DOCK3: variants seen among roughly 807,000 people sequenced by gnomAD.
DOCK3 encodes dedicator of cytokinesis protein 3.
Under a neutral mutation model 265.6 loss-of-function variants are expected in DOCK3, and 60 were observed. The ratio of observed to expected loss-of-function variants is 0.23; its 90% CI spans 0.18 to 0.28. The LOEUF (loss-of-function observed/expected upper bound fraction) is 0.28, where lower values mean the gene tolerates loss of function less well. Ranked by LOEUF, DOCK3 falls within the 10% of genes least tolerant of loss-of-function variation. The probability of loss-of-function intolerance (pLI) is 1.00; values close to 1 mark genes in which losing one functional copy is unlikely to be tolerated. For missense variants in DOCK3, 1,981 were observed against 2,594.3 expected (o/e 0.76, Z 5.14); for synonymous variants, 881 against 938.0 (o/e 0.94, Z 1.11).
At chr3:51,194,498 G>T (rs2088148987) in intron 12 of DOCK3, among the ~76,000 whole-genome samples, 1 of 152,134 alleles carries the variant, frequency 6.6e-6, no homozygotes, top group Non-Finnish European at 1.5e-5. Flanking sequence ...GCTGAGAGTG[G>T]AATGTTGAAG....
At chr3:50,980,556 T>A (rs2077652409) in intron 5 of DOCK3, among the ~76,000 whole-genome samples, 1 of 152,208 alleles carries the variant, frequency 6.6e-6, no homozygotes, top group Non-Finnish European at 1.5e-5. Flanking sequence ...TTTATAAGTT[T>A]GATAGAGTTC....
At chr3:50,870,383 T>G (rs2047376708) in intron 3 of DOCK3, among the ~76,000 whole-genome samples, 2 of 152,232 alleles carry the variant, frequency 1.3e-5, no homozygotes, top group Admixed American at 1.3e-4. Flanking sequence ...TCAACTCTTC[T>G]TATAATTTTT....
In DOCK3 at chr3:50,961,928, A is replaced by T. The variant is rs190508208; in HGVS notation, c.315+27851A>T. 9.2e-5 allele frequency among the ~76,000 whole-genome samples: 14 copies of T among 152,346 alleles called. 1 individual carries two copies. Among genetic ancestry groups the T allele is most frequent in the South Asian group, 6.2e-4 (3 of 4,830 alleles). ...TGAGCCTTCTTATGGGGAAAAATTCATGCATAATCTTGTTTAGTTCGTAGT... is the reference window on the plus strand; with the variant it reads ...TGAGCCTTCTTATGGGGAAAAATTCTTGCATAATCTTGTTTAGTTCGTAGT... On this transcript the variant is annotated intron_variant, in intron 5 of 52. Coordinates refer to ENST00000266037, the MANE Select transcript of DOCK3 (RefSeq NM_004947.5).
intron 1 of DOCK3, among the ~76,000 whole-genome samples, chr3:50,746,599 A>G (rs536784471): frequency 3.9e-5 from 6 of 152,186 alleles, no homozygotes; most frequent in East Asian, 1.9e-4. Flanking sequence ...AGGCTGGGTA[A>G]TTTATAAAGA....
intron 5 of DOCK3, among the ~76,000 whole-genome samples, chr3:50,935,057 G>A (rs2051280313): frequency 6.6e-6 from 1 of 152,022 alleles, no homozygotes; most frequent in Admixed American, 6.5e-5. Flanking sequence ...TCTCCTTTCT[G>A]TACCTTCATA....
chr3:51,289,084 G>A (rs1029969125), intron 27 of DOCK3, among the ~76,000 whole-genome samples: 9 of 151,998 alleles, frequency 5.9e-5, no homozygotes, highest in African/African-American at 1.4e-4. Flanking sequence ...AAAAAAGAAC[G>A]TATATACCAT....
At chr3:50,718,662 CTT>C (rs1254362868) in intron 1 of DOCK3, among the ~76,000 whole-genome samples, 2 of 151,228 alleles carry the variant, frequency 1.3e-5, no homozygotes, top group Admixed American at 1.3e-4. Context: ...TTAATCTTCT[CTT>C]GTTTTGAGTT....
chr3:50,702,158 G>A (rs748961762), intron 1 of DOCK3, among the ~76,000 whole-genome samples: 12 of 152,156 alleles, frequency 7.9e-5, no homozygotes, highest in Non-Finnish European at 1.5e-4. Context: ...TCTTTGGGTA[G>A]TATGGTCATT....
chr3:51,348,752 G>A, intron 38 of DOCK3, 100 bp from the exon 39 acceptor site: 1 of 1,201,758 alleles, frequency 8.3e-7, no homozygotes, highest in Non-Finnish European at 1.2e-6. Context: ...AGTTGGAGCT[G>A]GCGGGAGACC....
At chr3:51,128,647 C>T (rs1045120199) in intron 9 of DOCK3, among the ~76,000 whole-genome samples, 14 of 152,194 alleles carry the variant, frequency 9.2e-5, no homozygotes, top group African/African-American at 2.2e-4. Context: ...TGAACCTCTG[C>T]GCTTTCTGTG....
chr3:51,139,766 T>C (rs1035793185), intron 9 of DOCK3, among the ~76,000 whole-genome samples: 1 of 152,218 alleles, frequency 6.6e-6, no homozygotes, highest in African/African-American at 2.4e-5. Context: ...CAAAGTTGGC[T>C]TCTCTAGGAA....
At chr3:51,380,435 AAC>A (rs2088530946) in intron 52 of DOCK3, among the ~76,000 whole-genome samples, 1 of 152,234 alleles carries the variant, frequency 6.6e-6, no homozygotes, top group African/African-American at 2.4e-5. Context: ...TGGAGACAAC[AAC>A]ACACAGTACC....
Position 51,233,344 on chromosome 3 carries a change from ATCTATCTATCTATCTAT to A in DOCK3, c.1918-2999_1918-2983del, listed in dbSNP as rs1328350806. ...TATCTATCTATCTATCTATCTATCT[ATCTATCTATCTATCTAT>A]TTATTTATTTATTTATTTATTTGAG... On this transcript the variant is annotated intron_variant, in intron 19 of 52. Coordinates refer to ENST00000266037, the MANE Select transcript of DOCK3 (RefSeq NM_004947.5). Among the ~76,000 whole-genome samples, 27 of 38,328 alleles carry A rather than the reference ATCTATCTATCTATCTAT, an allele frequency of 7.0e-4. 1 individual carries two copies. In the South Asian group the frequency reaches 0.013, roughly 19 times the overall value. The allele number at this position is 38,328 out of a possible 152,430, so 25.1% of individuals were successfully genotyped here. A position where few individuals can be genotyped will look rare whatever the true frequency, so the allele number is the denominator to read the frequency against.
At chr3:50,975,591 C>T (rs1331814239) in intron 5 of DOCK3, among the ~76,000 whole-genome samples, 26 of 149,994 alleles carry the variant, frequency 1.7e-4, no homozygotes, top group Non-Finnish European at 3.3e-4. Flanking sequence ...AGGATATTGG[C>T]CTAAAATTCT....
chr3:50,769,345 C>G (rs1397161560), intron 1 of DOCK3, among the ~76,000 whole-genome samples: 11 of 152,142 alleles, frequency 7.2e-5, no homozygotes, highest in Non-Finnish European at 1.5e-4. Context: ...ATAATAAAAA[C>G]TCTAAACATG....
intron 2 of DOCK3, among the ~76,000 whole-genome samples, chr3:50,781,413 A>G (rs867417443): frequency 1.3e-4 from 20 of 151,656 alleles, no homozygotes; most frequent in Middle Eastern, 3.4e-3. Flanking sequence ...CTACAGGTGC[A>G]CAACATCATC....
chr3:51,221,121 C>T (rs1329188884), intron 14 of DOCK3, among the ~76,000 whole-genome samples: 1 of 152,156 alleles, frequency 6.6e-6, no homozygotes, highest in Non-Finnish European at 1.5e-5. Flanking sequence ...TGCTCCCTAT[C>T]TATCCCGTTA....
chr3:50,815,619 A>ATTT (rs34790456), intron 2 of DOCK3, among the ~76,000 whole-genome samples: 2 of 146,488 alleles, frequency 1.4e-5, no homozygotes, highest in Non-Finnish European at 3.0e-5. Context: ...ACGGAAGGCA[A>ATTT]TTTTTTTTTT....
In DOCK3 at chr3:51,381,421, G is replaced by A. The variant is rs1553618648; in HGVS notation, c.5955G>A (p.Leu1985=). 1 of 1,611,836 alleles carries A rather than the reference G, an allele frequency of 6.2e-7. No homozygotes were observed. The highest frequency in any genetic ancestry group is 2.2e-5 in the East Asian group (1 of 44,832). Residue 1985 remains leucine (L), a synonymous_variant, in exon 53 of 53, where the codon CTG becomes CTA. Transcript: ENST00000266037. The surrounding 1 kb of genome is among the most constrained non-coding windows in gnomAD (Gnocchi z 5.6). ...CCTACCACCCCCGCCTGCCGGCCCT[G>A]GAGCACGATGAGGGGGTGCTGCTGC... ...PKPYHPRLPA[L]EHDEGVLLRE...
Sources: gnomAD v4.1 joint callset for allele counts (sites outside exome capture counted in the v4.1 genomes callset) on GRCh38, gnomAD v4.1.1 for gene constraint, Gnocchi (gnomAD v3.1) non-coding constraint, MANE v1.5 for transcripts, NCBI Gene and HGNC (gene_info 2026-07-23, HGNC 2026-07-21) for gene names.